The following PARD3B variants were observed in gnomAD, a reference collection of about 807,000 sequenced individuals.
The protein encoded by PARD3B is partitioning defective 3 homolog B.
PARD3B carries 103 observed loss-of-function variants against 130.2 expected under a neutral mutation model. That is an observed-to-expected ratio of 0.79 (90% CI 0.67 to 0.93). The LOEUF (loss-of-function observed/expected upper bound fraction) is 0.93, where lower values mean the gene tolerates loss of function less well. Ranked by LOEUF, PARD3B falls within the 40% of genes least tolerant of loss-of-function variation. PARD3B has a pLI of 0.00. For synonymous variants in PARD3B, 583 were observed against 553.2 expected, an observed-to-expected ratio of 1.05 and a Z score of -0.76; for missense variants, 1,609 against 1,499.2, an observed-to-expected ratio of 1.07 and a Z score of -1.21.
chr2:205,548,420 C>T (rs548472217), intron 21 of PARD3B, among the ~76,000 whole-genome samples: 2 of 152,242 alleles, frequency 1.3e-5, no homozygotes, highest in Admixed American at 1.3e-4. Flanking sequence ...TTCATTTATT[C>T]CTGTTTTGGT....
chr2:205,213,363 T>C (rs539121587), intron 15 of PARD3B, among the ~76,000 whole-genome samples: 8 of 152,232 alleles, frequency 5.3e-5, no homozygotes, highest in African/African-American at 1.4e-4. Flanking sequence ...GCATTTTTTT[T>C]CCCATTCCAA....
chr2:205,137,901 T>G (rs755951431), intron 10 of PARD3B, among the ~76,000 whole-genome samples: 127 of 152,308 alleles, frequency 8.3e-4, no homozygotes, highest in Non-Finnish European at 2.9e-4. Context: ...TGACTTCTGC[T>G]TCATCCTTTT....
intron 3 of PARD3B, among the ~76,000 whole-genome samples, chr2:205,017,460 A>G (rs1696234552): frequency 6.6e-6 from 1 of 152,056 alleles, no homozygotes; most frequent in African/African-American, 2.4e-5. Flanking sequence ...CTCATCTATT[A>G]TAGTTATTTC....
At chr2:205,395,706 C>G (rs1356630414) in intron 18 of PARD3B, among the ~76,000 whole-genome samples, 1 of 152,218 alleles carries the variant, frequency 6.6e-6, no homozygotes, top group African/African-American at 2.4e-5. Context: ...TCATCTTTCA[C>G]CGATTCCTGC....
At chr2:205,107,679 G>T (rs1703323073) in intron 5 of PARD3B, among the ~76,000 whole-genome samples, 2 of 152,136 alleles carry the variant, frequency 1.3e-5, no homozygotes, top group South Asian at 4.1e-4. Flanking sequence ...AAAACACATT[G>T]CTCCATAAAT....
At chr2:204,572,071 C>T (rs2032035249) in intron 1 of PARD3B, among the ~76,000 whole-genome samples, 1 of 151,946 alleles carries the variant, frequency 6.6e-6, no homozygotes, top group African/African-American at 2.4e-5. Flanking sequence ...TAGAATAGTG[C>T]CTTGCAATTG....
chr2:204,927,160 T>TA (rs1687683415), intron 2 of PARD3B, among the ~76,000 whole-genome samples: 1 of 152,146 alleles, frequency 6.6e-6, no homozygotes, highest in Non-Finnish European at 1.5e-5. Context: ...ACTGAAGATG[T>TA]AATAGGACTA....
At position 205,401,122 on chromosome 2, in the gene PARD3B, A is replaced by C; in HGVS notation, c.2740A>C (p.Arg914=). The change falls in exon 19 of 23, where the codon AGG becomes CGG. Residue 914 remains arginine (R), a splice_region_variant and synonymous_variant. Transcript: ENST00000406610. ...ELEKMKEERE[R]IGAKHQELRE... ...GGAGAAAATGAAAGAAGAGCGTGAA[A>C]GGTGAGCAGAAGTGCCGAGACCTTC... 1 of 1,586,362 alleles carries C rather than the reference A, an allele frequency of 6.3e-7. No individual in the cohort carries two copies. Among genetic ancestry groups the C allele is most frequent in the Non-Finnish European group, 8.6e-7 (1 of 1,164,732 alleles).
intron 20 of PARD3B, among the ~76,000 whole-genome samples, chr2:205,491,675 G>A (rs1381809012): frequency 6.6e-6 from 1 of 152,146 alleles, no homozygotes; most frequent in Non-Finnish European, 1.5e-5. Context: ...CCAGGGTTAA[G>A]ATTTCCAAGA....
At chr2:204,841,446 T>C (rs1302695226) in intron 2 of PARD3B, among the ~76,000 whole-genome samples, 3 of 151,664 alleles carry the variant, frequency 2.0e-5, no homozygotes, top group African/African-American at 7.3e-5. Context: ...ATTTTACTTA[T>C]TTGTAAAGTA....
At chr2:205,076,941 C>T (rs916537244) in intron 4 of PARD3B, among the ~76,000 whole-genome samples, 1 of 152,128 alleles carries the variant, frequency 6.6e-6, no homozygotes, top group African/African-American at 2.4e-5. Context: ...ACTACTATTT[C>T]CTAAATTTAT....
Position 205,125,468 on chromosome 2 carries a change from T to G in PARD3B, c.1306-141T>G. The stretch of plus-strand genomic sequence containing the variant: ...CATTATGGGAAATATTGTTGGGTTT[T>G]GCCCATGTATTTAGTTATCATCTTT... On this transcript the variant is annotated intron_variant, in intron 9 of 22. Coordinates refer to ENST00000406610, the MANE Select transcript of PARD3B (RefSeq NM_001302769.2). This position sits in a 1 kb window ranked among gnomAD's most constrained non-coding sequence, Gnocchi z 4.0. 1 of 868,112 alleles carries G rather than the reference T, an allele frequency of 1.2e-6. No individual in the cohort carries two copies. The highest frequency in any genetic ancestry group is 1.7e-5 in the African/African-American group (1 of 59,350). 53.8% of individuals were successfully genotyped at this position (868,112 alleles called of 1,614,324 possible).
chr2:204,628,478 G>T (rs1232056722), intron 1 of PARD3B, among the ~76,000 whole-genome samples: 3 of 152,000 alleles, frequency 2.0e-5, no homozygotes, highest in Non-Finnish European at 4.4e-5. Flanking sequence ...TCTTTTCAAT[G>T]ATTTTGAAAT....
intron 2 of PARD3B, among the ~76,000 whole-genome samples, chr2:204,934,774 G>A (rs977157295): frequency 6.6e-6 from 1 of 152,102 alleles, no homozygotes; most frequent in Non-Finnish European, 1.5e-5. Context: ...GAAACAAAGT[G>A]GGAACGGGGT....
rs945671189 is a variant in PARD3B at position 205,138,444 on chromosome 2, T to G, written c.1434+12707T>G. Among the ~76,000 whole-genome samples the G allele has an allele frequency of 4.6e-5, 7 of 152,196 alleles. No homozygotes were observed. In the South Asian group the frequency reaches 1.0e-3, roughly 22 times the overall value. ...CCACCTCACATAGAGAATTACTCTT[T>G]TAGACATCTACAATCTGAATTGGCA... On this transcript the variant is annotated intron_variant, in intron 10 of 22. Coordinates refer to ENST00000406610, the MANE Select transcript of PARD3B (RefSeq NM_001302769.2).
At chr2:204,993,851 T>C (rs1693923550) in intron 3 of PARD3B, among the ~76,000 whole-genome samples, 1 of 151,766 alleles carries the variant, frequency 6.6e-6, no homozygotes, top group African/African-American at 2.4e-5. Context: ...TTCTAGATTT[T>C]CTAGTTTATT....
intron 1 of PARD3B, among the ~76,000 whole-genome samples, chr2:204,636,774 G>A (rs959850439): frequency 2.0e-5 from 3 of 151,990 alleles, no homozygotes; most frequent in African/African-American, 7.3e-5. Flanking sequence ...ATGTGTCAAT[G>A]ATACTTTCCT....
At chr2:204,936,281 G>C (rs1237489688) in intron 2 of PARD3B, among the ~76,000 whole-genome samples, 2 of 152,196 alleles carry the variant, frequency 1.3e-5, no homozygotes, top group African/African-American at 4.8e-5. Context: ...TCTGCCTACT[G>C]GTAGCAATAG....
intron 2 of PARD3B, among the ~76,000 whole-genome samples, chr2:204,839,768 A>G (rs2125585287): frequency 6.6e-6 from 1 of 152,230 alleles, no homozygotes; most frequent in South Asian, 2.1e-4. Context: ...TTCTTCATGA[A>G]GAATTTGGTT....
Sources: gnomAD v4.1 joint callset for allele counts (sites outside exome capture counted in the v4.1 genomes callset) on GRCh38, gnomAD v4.1.1 for gene constraint, Gnocchi (gnomAD v3.1) non-coding constraint, MANE v1.5 for transcripts, NCBI Gene and HGNC (gene_info 2026-07-23, HGNC 2026-07-21) for gene names.